The following KCNT2 variants were observed in gnomAD, a reference collection of about 807,000 sequenced individuals.
The protein encoded by KCNT2 is potassium channel subfamily T member 2.
KCNT2 carries 67 observed loss-of-function variants against 153.8 expected under a neutral mutation model. That is an observed-to-expected ratio of 0.44 (90% CI 0.36 to 0.53). The LOEUF is 0.53. KCNT2 is among the 20% of genes least tolerant of loss of function. KCNT2 has a pLI of 0.00. For missense variants in KCNT2, 975 were observed against 1,354.8 expected (o/e 0.72, Z 4.40); for synonymous variants, 500 against 458.8 (o/e 1.09, Z -1.15).
At chr1:196,480,859 A>G (rs75483978) in intron 4 of KCNT2, among the ~76,000 whole-genome samples, 2 of 130,822 alleles carry the variant, frequency 1.5e-5, no homozygotes, top group African/African-American at 5.3e-5. Flanking sequence ...TCGTCTCAAA[A>G]AAAAAAAAAA....
chr1:196,399,346 G>A (rs1021264601), intron 12 of KCNT2, among the ~76,000 whole-genome samples: 11 of 151,664 alleles, frequency 7.3e-5, no homozygotes, highest in Non-Finnish European at 1.6e-4. Context: ...TTTTGGAAAG[G>A]AAGCACAAAG....
chr1:196,538,786 A>G (rs949658268), intron 1 of KCNT2, among the ~76,000 whole-genome samples: 2 of 152,206 alleles, frequency 1.3e-5, no homozygotes, highest in Non-Finnish European at 2.9e-5. Flanking sequence ...CTGTTTTACT[A>G]AATTATAACT....
intron 26 of KCNT2, among the ~76,000 whole-genome samples, chr1:196,249,817 C>A (rs1161381274): frequency 6.6e-6 from 1 of 151,068 alleles, no homozygotes. Context: ...CAACAGTGAA[C>A]AATCTGATAA....
chr1:196,346,605 A>G (rs1453682608), intron 14 of KCNT2, among the ~76,000 whole-genome samples: 1 of 152,094 alleles, frequency 6.6e-6, no homozygotes, highest in Non-Finnish European at 1.5e-5. Context: ...TTGACCTTGA[A>G]AATTTTCCTT....
In KCNT2 at chr1:196,482,193, G is replaced by C. The variant is rs538935746; in HGVS notation, c.324+138C>G. The stretch of plus-strand genomic sequence containing the variant: ...CAAACAAGAAAAAAGAAATGAAAAT[G>C]TTAGTCCAAGATGTGCATGAAGATT... On this transcript the variant is annotated intron_variant, in intron 4 of 27. Transcript: ENST00000294725. The C allele has an allele frequency of 8.1e-6, 5 of 617,816 alleles. No homozygotes were observed. In the Admixed American group the frequency reaches 1.8e-4, roughly 22 times the overall value. 38.3% of individuals were successfully genotyped at this position (617,816 alleles called of 1,614,324 possible). A position where few individuals can be genotyped will look rare whatever the true frequency, so the allele number is the denominator to read the frequency against.
chr1:196,372,485 G>A (rs565173342), intron 14 of KCNT2, among the ~76,000 whole-genome samples: 15 of 151,916 alleles, frequency 9.9e-5, no homozygotes, highest in African/African-American at 3.6e-4. Context: ...TAAGAGCAAT[G>A]ACTATGTTCA....
At chr1:196,469,958 A>T (rs1197815019) in intron 5 of KCNT2, among the ~76,000 whole-genome samples, 2 of 152,214 alleles carry the variant, frequency 1.3e-5, no homozygotes, top group African/African-American at 4.8e-5. Flanking sequence ...ACTCTTTCTT[A>T]ATTTTCCTTA....
rs1484093450 is a variant in KCNT2 at position 196,387,936 on chromosome 1, T to C, written c.1294+10627A>G. The stretch of plus-strand genomic sequence containing the variant: ...TGATGAAAGCCAATTTTTCTTTTTT[T>C]TTTTTTTCTCTTATGGTTTGTGGTT... On this transcript the variant is annotated intron_variant, in intron 13 of 27. Coordinates refer to ENST00000294725, the MANE Select transcript of KCNT2 (RefSeq NM_198503.5). 3.3e-5 allele frequency among the ~76,000 whole-genome samples: 5 copies of C among 151,608 alleles called. No homozygotes were observed. The South Asian group carries it at 6.2e-4, about 19-fold the overall frequency.
At chr1:196,604,403 T>A (rs944404338) in intron 1 of KCNT2, among the ~76,000 whole-genome samples, 1 of 152,232 alleles carries the variant, frequency 6.6e-6, no homozygotes, top group Non-Finnish European at 1.5e-5. Context: ...GAATGGCCAT[T>A]AAAGACATAT....
At chr1:196,553,231 C>CA in intron 1 of KCNT2, among the ~76,000 whole-genome samples, 1 of 150,220 alleles carries the variant, frequency 6.7e-6, no homozygotes, top group Non-Finnish European at 1.5e-5. Context: ...CAAGAGAAAT[C>CA]AAAAAAAGCA....
intron 8 of KCNT2, among the ~76,000 whole-genome samples, chr1:196,439,006 T>C (rs1000393308): frequency 6.6e-6 from 1 of 151,862 alleles, no homozygotes; most frequent in East Asian, 1.9e-4. Context: ...GTATACCTAT[T>C]TTTTTAAAGT....
intron 14 of KCNT2, among the ~76,000 whole-genome samples, chr1:196,365,197 TAAC>T (rs1279536432): frequency 6.6e-6 from 1 of 152,134 alleles, no homozygotes; most frequent in Non-Finnish European, 1.5e-5. Context: ...TAATAGAAGT[TAAC>T]AATTATTTTC....
At chr1:196,251,633 A>G (rs928688011) in intron 26 of KCNT2, among the ~76,000 whole-genome samples, 1 of 151,904 alleles carries the variant, frequency 6.6e-6, no homozygotes, top group Non-Finnish European at 1.5e-5. Context: ...GAGAAAGGGG[A>G]TAGTTATTGG....
At chr1:196,273,545 A>G (rs1197066388) in intron 25 of KCNT2, 2 of 1,272,108 alleles carry the variant, frequency 1.6e-6, no homozygotes, top group Non-Finnish European at 2.2e-6. Flanking sequence ...CAATGACTAA[A>G]CAATAGATGC....
chr1:196,477,848 C>T (rs1244077612), intron 5 of KCNT2, among the ~76,000 whole-genome samples: 1 of 152,162 alleles, frequency 6.6e-6, no homozygotes, highest in East Asian at 1.9e-4. Context: ...TTAACCCATG[C>T]ATGATAGATT....
chr1:196,512,372 A>G (rs948132055), intron 1 of KCNT2, among the ~76,000 whole-genome samples: 1 of 152,134 alleles, frequency 6.6e-6, no homozygotes, highest in African/African-American at 2.4e-5. Flanking sequence ...CTCATATATT[A>G]ATTAAGCTGT....
intron 16 of KCNT2, among the ~76,000 whole-genome samples, chr1:196,338,819 T>C (rs1665289890): frequency 6.6e-6 from 1 of 151,730 alleles, no homozygotes; most frequent in Non-Finnish European, 1.5e-5. Flanking sequence ...AACTGAATGA[T>C]TCTAGGGGCT....
chr1:196,409,930 T>C (rs1377982034), intron 12 of KCNT2, among the ~76,000 whole-genome samples: 1 of 151,744 alleles, frequency 6.6e-6, no homozygotes, highest in Non-Finnish European at 1.5e-5. Flanking sequence ...CACAAGGTTT[T>C]GAATTTCTCC....
intron 14 of KCNT2, among the ~76,000 whole-genome samples, chr1:196,357,341 T>C (rs912770383): frequency 6.6e-6 from 1 of 151,972 alleles, no homozygotes; most frequent in Non-Finnish European, 1.5e-5. Context: ...TACTGACTAC[T>C]TATTGCTCTA....
Sources: gnomAD v4.1 joint callset for allele counts (sites outside exome capture counted in the v4.1 genomes callset) on GRCh38, gnomAD v4.1.1 for gene constraint, MANE v1.5 for transcripts, NCBI Gene and HGNC (gene_info 2026-07-23, HGNC 2026-07-21) for gene names.